Variants in FRMPD4 observed in about 807,000 individuals in gnomAD.
FRMPD4 encodes the protein FERM and PDZ domain containing 4.
A neutral mutation model predicts 94.1 loss-of-function variants in FRMPD4; 22 were observed. The observed-to-expected ratio is 0.23, with a 90% confidence interval of 0.17 to 0.33. FRMPD4 has a LOEUF of 0.33. FRMPD4 is among the 10% of genes least tolerant of loss of function. The pLI is 1.00. For synonymous variants in FRMPD4, 631 were observed against 548.6 expected, an observed-to-expected ratio of 1.15 and a Z score of -2.10; for missense variants, 1,111 against 1,339.9, an observed-to-expected ratio of 0.83 and a Z score of 2.67.
intron 1 of FRMPD4, among the ~76,000 whole-genome samples, chrX:12,287,048 A>G (rs749793049): frequency 2.4e-4 from 27 of 112,163 alleles, no homozygotes; most frequent in African/African-American, 8.4e-4. Context: ...ATGCAAGAGA[A>G]GGTCCATCTT....
At chrX:12,002,528 T>C (rs1349282407) in intron 3 of FRMPD4, among the ~76,000 whole-genome samples, 4 of 112,410 alleles carry the variant, frequency 3.6e-5, no homozygotes, top group Non-Finnish European at 7.5e-5. Context: ...CTGTCTACCT[T>C]ATGCCCAATT....
intron 2 of FRMPD4, among the ~76,000 whole-genome samples, chrX:12,535,688 T>G (rs911195213): frequency 8.9e-6 from 1 of 112,410 alleles, no homozygotes; most frequent in Non-Finnish European, 1.9e-5. Context: ...GTTTGCAGCC[T>G]ATTTTTGTCA....
At chrX:12,333,051 C>T in intron 1 of FRMPD4, among the ~76,000 whole-genome samples, 1 of 111,684 alleles carries the variant, frequency 9.0e-6, no homozygotes, top group Middle Eastern at 4.6e-3. Context: ...CAGATGTTTG[C>T]CATTTTTAAC....
chrX:12,419,397 A>C, intron 1 of FRMPD4, among the ~76,000 whole-genome samples: 1 of 112,624 alleles, frequency 8.9e-6, no homozygotes, highest in Middle Eastern at 4.6e-3. Context: ...CTTCTCACCA[A>C]ATGTTTTTGT....
chrX:11,894,584 G>A (rs1213860505), intron 3 of FRMPD4, among the ~76,000 whole-genome samples: 2 of 112,139 alleles, frequency 1.8e-5, no homozygotes, highest in South Asian at 3.8e-4. Context: ...CAGTTACATC[G>A]GTTTCTCTGG....
intron 2 of FRMPD4, among the ~76,000 whole-genome samples, chrX:12,598,238 C>T (rs905663991): frequency 2.7e-5 from 3 of 110,285 alleles, no homozygotes; most frequent in South Asian, 3.9e-4. Context: ...GTTTGTTTCA[C>T]GGCACCTACT....
chrX:12,586,776 T>C (rs993847773), intron 2 of FRMPD4, among the ~76,000 whole-genome samples: 3 of 111,755 alleles, frequency 2.7e-5, no homozygotes, highest in Non-Finnish European at 5.6e-5. Context: ...CTCTTCCTTC[T>C]CCTTCCTTTT....
In FRMPD4 at chrX:12,191,721, G is replaced by T. The variant is rs141107783; in HGVS notation, c.41+52709G>T. Among the ~76,000 whole-genome samples, 58 of 111,799 alleles carry T rather than the reference G, an allele frequency of 5.2e-4. No homozygotes were observed. In the East Asian group the frequency reaches 0.016, roughly 30 times the overall value. ...CTATTGGGAGAGTAAGAGGATCAGT[G>T]GTTGCCCGGGGTTGTAGAGAGGGAG... On this transcript the variant is annotated intron_variant, in intron 1 of 16. Transcript: ENST00000675598.
chrX:12,608,069 C>A (rs1469452350), intron 2 of FRMPD4, among the ~76,000 whole-genome samples: 1 of 112,501 alleles, frequency 8.9e-6, no homozygotes, highest in African/African-American at 3.2e-5. Context: ...AAGAAGATTA[C>A]AGGGAGAGAA....
At chrX:12,076,817 C>T (rs889761568) in intron 3 of FRMPD4, among the ~76,000 whole-genome samples, 3 of 111,320 alleles carry the variant, frequency 2.7e-5, no homozygotes, top group Non-Finnish European at 3.8e-5. Context: ...TATTTTTATT[C>T]TCTCCCTCCT....
In FRMPD4 at chrX:12,119,781, G is replaced by A. The variant is rs753910673; in HGVS notation, c.95+241763G>A. Reference sequence around the variant, plus strand: ...ATAACATAAACTCAACCTTTCATTCGCACCGCAAAGCTATGTGCGGAGATA... The same window carrying A: ...ATAACATAAACTCAACCTTTCATTCACACCGCAAAGCTATGTGCGGAGATA... On this transcript the variant is annotated intron_variant, in intron 3 of 18. Coordinates refer to the FRMPD4 transcript ENST00000640291. 4.5e-5 allele frequency among the ~76,000 whole-genome samples: 5 copies of A among 112,223 alleles called. No individual in the cohort carries two copies. The East Asian group carries it at 1.1e-3, about 25-fold the overall frequency.
intron 4 of FRMPD4, among the ~76,000 whole-genome samples, chrX:12,639,712 G>T (rs1412474528): frequency 9.0e-6 from 1 of 111,391 alleles, no homozygotes; most frequent in Non-Finnish European, 1.9e-5. Flanking sequence ...TAATATATGT[G>T]AGTATATAAT....
At chrX:12,548,434 A>G (rs915587154) in intron 2 of FRMPD4, among the ~76,000 whole-genome samples, 1 of 112,335 alleles carries the variant, frequency 8.9e-6, no homozygotes, top group South Asian at 3.7e-4. Flanking sequence ...GAGGTTCAGA[A>G]AAGTTTTACT....
chrX:12,362,761 G>C (rs971307696), intron 1 of FRMPD4, among the ~76,000 whole-genome samples: 1 of 111,614 alleles, frequency 9.0e-6, no homozygotes, highest in African/African-American at 3.3e-5. Context: ...TCTAGTTCTC[G>C]ATCCTTGACG....
intron 3 of FRMPD4, among the ~76,000 whole-genome samples, chrX:11,934,920 T>C (rs928924591): frequency 8.9e-6 from 1 of 111,777 alleles, no homozygotes; most frequent in African/African-American, 3.3e-5. Flanking sequence ...ATCTTCACCA[T>C]ATTATGTGAA....
chrX:12,720,778 T>C lies in FRMPD4; in HGVS notation c.4209T>C (p.His1403=), dbSNP rs2042223775. 5 of 1,035,534 alleles carry C rather than the reference T, an allele frequency of 4.8e-6. No homozygotes were observed. Among genetic ancestry groups the C allele is most frequent in the South Asian group, 2.9e-5 (1 of 34,219 alleles). The allele number at this position is 1,035,534 out of a possible 1,213,427, so 85.3% of individuals were successfully genotyped here. Reference sequence around the variant, plus strand: ...CTCCCAGCCAGAAGGCTCTGAGACATAGCAGCAGTATCCTCTCCGGATCTG... The same window carrying C: ...CTCCCAGCCAGAAGGCTCTGAGACACAGCAGCAGTATCCTCTCCGGATCTG... ...RTPPSQKALR[H]SSSILSGSVD... Residue 1403 remains histidine (H), a synonymous_variant, in exon 17 of 17, where the codon CAT becomes CAC. Coordinates refer to ENST00000675598, the MANE Select transcript of FRMPD4 (RefSeq NM_001368397.1).
intron 5 of FRMPD4, among the ~76,000 whole-genome samples, chrX:12,676,787 G>A (rs934736320): frequency 1.8e-5 from 2 of 111,721 alleles, no homozygotes. Context: ...TAGGAGTTCC[G>A]ATGGCTCTTG....
chrX:12,384,160 A>T (rs1407500291), intron 1 of FRMPD4, among the ~76,000 whole-genome samples: 1 of 112,111 alleles, frequency 8.9e-6, no homozygotes, highest in Non-Finnish European at 1.9e-5. Context: ...CATACAAAGT[A>T]TATCTTTATC....
chrX:12,714,033 C>G (rs2042036520), intron 14 of FRMPD4, among the ~76,000 whole-genome samples: 1 of 111,782 alleles, frequency 8.9e-6, no homozygotes, highest in Non-Finnish European at 1.9e-5. Context: ...GCCTGCTGAC[C>G]TATTCAGTTT....
Sources: allele counts gnomAD v4.1 joint callset (sites outside exome capture counted in the v4.1 genomes callset), GRCh38; gene constraint gnomAD v4.1.1; transcripts MANE v1.5; gene names NCBI Gene and HGNC (gene_info 2026-07-23, HGNC 2026-07-21).